The following TSPAN9 variants were observed in gnomAD, a reference collection of about 807,000 sequenced individuals.
TSPAN9 encodes the protein tetraspanin-9.
TSPAN9 carries 16 observed loss-of-function variants against 31.0 expected under a neutral mutation model. The ratio of observed to expected loss-of-function variants is 0.52; its 90% CI spans 0.35 to 0.78. The LOEUF is 0.78. TSPAN9 is among the 30% of genes least tolerant of loss of function. TSPAN9 has a pLI of 0.01. For missense variants in TSPAN9, 272 were observed against 312.5 expected (o/e 0.87, Z 0.98); for synonymous variants, 145 against 121.6 (o/e 1.19, Z -1.27).
At chr12:3,094,847 CTTTTTTTTTTTTTT>C (rs61154605) in intron 2 of TSPAN9, among the ~76,000 whole-genome samples, 1 of 101,954 alleles carries the variant, frequency 9.8e-6, no homozygotes, top group African/African-American at 4.2e-5. Flanking sequence ...AATCAATAAT[CTTTTTTTTTTTTTT>C]TTTTTTTTGT....
At chr12:3,159,466 C>T (rs1423725504) in intron 2 of TSPAN9, among the ~76,000 whole-genome samples, 1 of 152,174 alleles carries the variant, frequency 6.6e-6, no homozygotes, top group East Asian at 1.9e-4. Context: ...CCCCATACCT[C>T]AGAATGTGAC....
intron 2 of TSPAN9, among the ~76,000 whole-genome samples, chr12:3,158,419 C>T (rs546505524): frequency 2.0e-5 from 3 of 152,306 alleles, no homozygotes; most frequent in African/African-American, 7.2e-5. Flanking sequence ...GTGCTGCCGT[C>T]CTCCACTGTT....
At chr12:3,136,182 G>A (rs1434121043) in intron 2 of TSPAN9, among the ~76,000 whole-genome samples, 1 of 152,172 alleles carries the variant, frequency 6.6e-6, no homozygotes, top group Non-Finnish European at 1.5e-5. Flanking sequence ...GAAGCACTTC[G>A]TGAGCCAGGG....
chr12:3,278,639 C>G (rs1424542960), intron 4 of TSPAN9, 27 bp downstream of exon 4: 1 of 1,601,600 alleles, frequency 6.2e-7, no homozygotes. Context: ...TCCCCAGCCC[C>G]TCCAACTCCT....
intron 3 of TSPAN9, among the ~76,000 whole-genome samples, chr12:3,265,648 C>T (rs565557776): frequency 2.0e-5 from 3 of 152,342 alleles, no homozygotes; most frequent in East Asian, 3.9e-4. Flanking sequence ...CGTGCGCCCC[C>T]TCCTTTCCCC....
At chr12:3,214,398 C>A (rs1161126470) in intron 3 of TSPAN9, among the ~76,000 whole-genome samples, 2 of 152,190 alleles carry the variant, frequency 1.3e-5, no homozygotes, top group African/African-American at 2.4e-5. Context: ...GACAAAGCTG[C>A]CCTAGATTTT....
chr12:3,220,670 G>T (rs1256070987), intron 3 of TSPAN9, among the ~76,000 whole-genome samples: 3 of 152,184 alleles, frequency 2.0e-5, no homozygotes, highest in Non-Finnish European at 2.9e-5. Flanking sequence ...TAGTCCTGCT[G>T]CCCTGGCCTG....
intron 3 of TSPAN9, among the ~76,000 whole-genome samples, chr12:3,272,693 G>A (rs1015943207): frequency 2.0e-5 from 3 of 152,152 alleles, no homozygotes; most frequent in African/African-American, 4.8e-5. Context: ...GTGGGAGACC[G>A]ATGGGACCCA....
intron 2 of TSPAN9, among the ~76,000 whole-genome samples, chr12:3,184,231 C>T (rs1172541466): frequency 6.6e-6 from 1 of 151,946 alleles, no homozygotes; most frequent in Non-Finnish European, 1.5e-5. Context: ...AATCCCATCT[C>T]TAGAAAAAAT....
intron 2 of TSPAN9, among the ~76,000 whole-genome samples, chr12:3,133,842 T>C (rs759495364): frequency 6.6e-6 from 1 of 152,168 alleles, no homozygotes; most frequent in African/African-American, 2.4e-5. Flanking sequence ...CATCACCTCT[T>C]GATCACCCAC....
chr12:3,199,304 GTGC>G (rs2098369764), intron 2 of TSPAN9, among the ~76,000 whole-genome samples: 1 of 152,222 alleles, frequency 6.6e-6, no homozygotes, highest in South Asian at 2.1e-4. Flanking sequence ...TTGCCCTCGG[GTGC>G]TCTCAGTACT....
At chr12:3,136,397 C>T (rs1020284896) in intron 2 of TSPAN9, among the ~76,000 whole-genome samples, 6 of 152,182 alleles carry the variant, frequency 3.9e-5, no homozygotes, top group Non-Finnish European at 5.9e-5. Flanking sequence ...GTTCACGTGG[C>T]TCTTCCTCAA....
intron 3 of TSPAN9, among the ~76,000 whole-genome samples, chr12:3,203,881 C>A (rs1188428830): frequency 6.6e-6 from 1 of 152,086 alleles, no homozygotes; most frequent in Non-Finnish European, 1.5e-5. Context: ...TCACTGTGCT[C>A]CACTCAAATG....
At chr12:3,109,268 C>CTGTGTGTGTGTGTGTGTGTGTGTGTG (rs1226380985) in intron 2 of TSPAN9, among the ~76,000 whole-genome samples, 142 of 119,290 alleles carry the variant, frequency 1.2e-3, no homozygotes, top group African/African-American at 4.6e-3. Context: ...TTCATATAGT[C>CTGTGTGTGTGTGTGTGTGTGTGTGTG]TGTGTGTGTG....
chr12:3,166,764 C>CT (rs1260685434), intron 2 of TSPAN9, among the ~76,000 whole-genome samples: 1 of 152,146 alleles, frequency 6.6e-6, no homozygotes, highest in Non-Finnish European at 1.5e-5. Flanking sequence ...AACCTGATCT[C>CT]TAACAGCATA....
At position 3,278,422 on chromosome 12, in the gene TSPAN9, T is replaced by C; in HGVS notation, c.65T>C (p.Leu22Pro). Residue 22 changes from leucine to proline, a missense_variant and splice_region_variant, in exon 4 of 9, where the codon CTC (leucine) becomes CCC (proline). Leu to Pro is a moderately conservative substitution (Grantham distance 98). Transcript: ENST00000011898. ...TAATGGGCTTTCCTTCCTTTCCAGC[T>C]CTGTGGCTGTGGGCTGCTGGGAGTG... is the stretch of plus-strand genomic sequence containing the variant. ...MMFLFNLIFW[L>P]CGCGLLGVGI... 6.2e-7 allele frequency: 1 copy of C among 1,614,166 alleles called. No individual in the cohort carries two copies. The highest frequency in any genetic ancestry group is 8.5e-7 in the Non-Finnish European group (1 of 1,180,012).
At chr12:3,079,871 A>C (rs1244650240) in intron 1 of TSPAN9, among the ~76,000 whole-genome samples, 4 of 151,784 alleles carry the variant, frequency 2.6e-5, no homozygotes, top group Non-Finnish European at 5.9e-5. Flanking sequence ...CCTGGGCTCA[A>C]GTGATCCTCC....
At chr12:3,126,640 G>A (rs1291591297) in intron 2 of TSPAN9, among the ~76,000 whole-genome samples, 2 of 152,174 alleles carry the variant, frequency 1.3e-5, no homozygotes, top group African/African-American at 4.8e-5. Flanking sequence ...CAGGCCTGGG[G>A]GCTCACACCT....
intron 2 of TSPAN9, among the ~76,000 whole-genome samples, chr12:3,142,273 C>G (rs2098335224): frequency 6.6e-6 from 1 of 152,196 alleles, no homozygotes; most frequent in African/African-American, 2.4e-5. Flanking sequence ...CCCACCCAGC[C>G]ACACCACTGG....
Sources: allele counts gnomAD v4.1 joint callset (sites outside exome capture counted in the v4.1 genomes callset), GRCh38; gene constraint gnomAD v4.1.1; transcripts MANE v1.5; gene names NCBI Gene and HGNC (gene_info 2026-07-23, HGNC 2026-07-21).